Variants in KDM6A observed in about 807,000 individuals in gnomAD.
KDM6A encodes the protein lysine-specific demethylase 6A.
Under a neutral mutation model 117.6 loss-of-function variants are expected in KDM6A, and 11 were observed. The ratio of observed to expected loss-of-function variants is 0.09; its 90% CI spans 0.06 to 0.15. KDM6A has a LOEUF of 0.15. Ranked by LOEUF, KDM6A falls within the 10% of genes least tolerant of loss-of-function variation. The probability of loss-of-function intolerance (pLI) is 1.00; values close to 1 mark genes in which losing one functional copy is unlikely to be tolerated. For synonymous variants in KDM6A, 384 were observed against 396.1 expected (o/e 0.97, Z 0.36); for missense variants, 799 against 1,077.3 (o/e 0.74, Z 3.62).
At chrX:45,004,210 C>CT (rs1323657873) in intron 4 of KDM6A, among the ~76,000 whole-genome samples, 2 of 110,691 alleles carry the variant, frequency 1.8e-5, no homozygotes, top group Non-Finnish European at 3.8e-5. Context: ...CCACCATACT[C>CT]TTTAGGGGGC....
At chrX:45,100,237 G>A (rs1040707003) in intron 27 of KDM6A, among the ~76,000 whole-genome samples, 1 of 111,221 alleles carries the variant, frequency 9.0e-6, no homozygotes, top group Non-Finnish European at 1.9e-5. Context: ...GTTAGTGCAG[G>A]AGATGAGCTC....
At chrX:44,991,181 G>A (rs1194011263) in intron 4 of KDM6A, among the ~76,000 whole-genome samples, 1 of 111,519 alleles carries the variant, frequency 9.0e-6, no homozygotes, top group Non-Finnish European at 1.9e-5. Context: ...TCTTAGTTGT[G>A]CCTTCTGTTT....
At chrX:44,932,348 T>C (rs759439424) in intron 2 of KDM6A, among the ~76,000 whole-genome samples, 1 of 109,300 alleles carries the variant, frequency 9.1e-6, no homozygotes, top group East Asian at 2.9e-4. Context: ...TGACCTCAGG[T>C]GGTCCGCCTG....
At chrX:45,072,760 A>G (rs1375226698) in intron 18 of KDM6A, among the ~76,000 whole-genome samples, 1 of 110,036 alleles carries the variant, frequency 9.1e-6, no homozygotes, top group Non-Finnish European at 1.9e-5. Context: ...ATTGTCAGAA[A>G]GAGTTCCATG....
In KDM6A at chrX:44,929,078, G is replaced by T. The variant is rs189784003; in HGVS notation, c.226-32206G>T. On this transcript the variant is annotated intron_variant, in intron 2 of 29. Coordinates refer to ENST00000611820, the MANE Select transcript of KDM6A (RefSeq NM_001291415.2). Reference sequence around the variant, plus strand: ...CCCGAGTAGCTGAGACTACAGGTGCGCGCCACCACACCCAGCTAATTTTTT... The same window carrying T: ...CCCGAGTAGCTGAGACTACAGGTGCTCGCCACCACACCCAGCTAATTTTTT... 5.8e-3 allele frequency among the ~76,000 whole-genome samples: 641 copies of T among 110,028 alleles called. 5 individuals are homozygous for T. Among genetic ancestry groups the T allele is most frequent in the African/African-American group, 0.02 (605 of 30,218 alleles).
chrX:45,090,458 A>T (rs753891642), intron 26 of KDM6A, among the ~76,000 whole-genome samples: 10 of 111,977 alleles, frequency 8.9e-5, no homozygotes, highest in Non-Finnish European at 1.5e-4. Context: ...GGAAGTAATG[A>T]AATTAATAAG....
intron 2 of KDM6A, among the ~76,000 whole-genome samples, chrX:44,917,023 CACTT>C (rs1377167208): frequency 9.7e-6 from 1 of 102,971 alleles, no homozygotes; most frequent in Non-Finnish European, 1.9e-5. Flanking sequence ...TCTATATACT[CACTT>C]TTTTTTTTTT....
intron 2 of KDM6A, among the ~76,000 whole-genome samples, chrX:44,900,488 T>G (rs1337776708): frequency 8.9e-6 from 1 of 112,418 alleles, no homozygotes; most frequent in Non-Finnish European, 1.9e-5. Context: ...CTTTTAAACT[T>G]GTTCCTGTAC....
chrX:45,085,883 A>G lies in KDM6A; in HGVS notation c.3608A>G (p.Asn1203Ser), dbSNP rs2045619112. The stretch of plus-strand genomic sequence containing the variant: ...ATTTCAGGTCATCAGGAAAATAACA[A>G]CTTCTGTTCAGTTAACATAAATATT... ...SRTPGHQENN[N>S]FCSVNINIGP... is the part of the protein sequence containing the mutation. The change falls in exon 25 of 30, where the codon AAC (asparagine) becomes AGC (serine). Residue 1203 changes from asparagine (N) to serine (S), a missense_variant. Transcript: ENST00000611820. 8.3e-7 allele frequency: 1 copy of G among 1,199,515 alleles called. No homozygotes were observed. Among genetic ancestry groups the G allele is most frequent in the South Asian group, 1.8e-5 (1 of 56,700 alleles).
chrX:44,903,364 C>T (rs773644330), intron 2 of KDM6A, among the ~76,000 whole-genome samples: 2 of 111,823 alleles, frequency 1.8e-5, no homozygotes, highest in South Asian at 7.4e-4. Flanking sequence ...TCACTTCTTT[C>T]GTGTTTTCAA....
At position 45,079,230 on chromosome X, in the gene KDM6A, C is replaced by G. The variant is rs898049097; in HGVS notation, c.3179C>G (p.Ala1060Gly). ...GTGAGGACACAGTTGTTGCAGCCAG[C>G]AGATGAAAACTGGGATCCCACTGGA... The part of the protein sequence containing the change: ...VEVRTQLLQP[A>G]DENWDPTGTK... Residue 1060 changes from alanine (A) to glycine (G), a missense_variant, in exon 21 of 30, where the codon GCA becomes GGA. Coordinates refer to ENST00000611820, the MANE Select transcript of KDM6A (RefSeq NM_001291415.2). 1.7e-6 allele frequency: 2 copies of G among 1,206,966 alleles called. No homozygotes were observed. Among genetic ancestry groups the G allele is most frequent in the Non-Finnish European group, 2.2e-6 (2 of 891,319 alleles).
intron 6 of KDM6A, among the ~76,000 whole-genome samples, chrX:45,031,095 C>G (rs1290731879): frequency 8.9e-6 from 1 of 112,300 alleles, no homozygotes. Context: ...CTTTCCTTTT[C>G]TCACTTAAAT....
At chrX:45,025,740 T>C (rs1280107577) in intron 6 of KDM6A, among the ~76,000 whole-genome samples, 1 of 112,395 alleles carries the variant, frequency 8.9e-6, no homozygotes. Context: ...TCCCTAATGT[T>C]TACATATTTA....
intron 17 of KDM6A, among the ~76,000 whole-genome samples, chrX:45,068,251 C>T (rs2044627747): frequency 9.0e-6 from 1 of 111,044 alleles, no homozygotes; most frequent in African/African-American, 3.3e-5. Flanking sequence ...GAAAAATTGG[C>T]TGTCCTATTT....
intron 2 of KDM6A, among the ~76,000 whole-genome samples, chrX:44,933,543 A>G (rs1031509181): frequency 5.8e-5 from 6 of 103,408 alleles, no homozygotes; most frequent in Admixed American, 2.1e-4. Context: ...AAAGTGCTGG[A>G]TTTACAGGCG....
At chrX:45,047,989 C>T (rs909801904) in intron 8 of KDM6A, among the ~76,000 whole-genome samples, 6 of 108,391 alleles carry the variant, frequency 5.5e-5, no homozygotes, top group African/African-American at 2.0e-4. Flanking sequence ...GCGAGACCCC[C>T]ATCTCTACTA....
intron 2 of KDM6A, among the ~76,000 whole-genome samples, chrX:44,957,147 A>G (rs1477378463): frequency 9.0e-6 from 1 of 110,942 alleles, no homozygotes; most frequent in Non-Finnish European, 1.9e-5. Flanking sequence ...AAATAAATAA[A>G]TAAAAATAAA....
rs78749806 is a variant in KDM6A, at chrX:45,047,674, C to CTTTTTTTTTTTTTTTTTTTTT, written c.655-4026_655-4006dup. Among the ~76,000 whole-genome samples the CTTTTTTTTTTTTTTTTTTTTT allele has an allele frequency of 1.7e-4, 6 of 36,358 alleles. 3 individuals are homozygous for CTTTTTTTTTTTTTTTTTTTTT. The highest frequency in any genetic ancestry group is 2.0e-4 in the Non-Finnish European group (4 of 19,605). The allele number at this position is 36,358 out of a possible 115,157, so 31.6% of individuals were successfully genotyped here. ...TCAAATATCTGCTTGCTTTTTTTTT[C>CTTTTTTTTTTTTTTTTTTTTT]TTTTTTTTTTTTTTTTTTTTTTTTT... On this transcript the variant is annotated intron_variant, in intron 8 of 29. Transcript: ENST00000611820.
At chrX:45,061,523 G>C (rs1367788884) in intron 15 of KDM6A, 104 bp downstream of exon 15, 1 of 365,354 alleles carries the variant, frequency 2.7e-6, no homozygotes, top group African/African-American at 4.0e-5. Context: ...ATAGAGTCTT[G>C]CTCTGTCACC....
Sources: gnomAD v4.1 joint callset for allele counts (sites outside exome capture counted in the v4.1 genomes callset) on GRCh38, gnomAD v4.1.1 for gene constraint, MANE v1.5 for transcripts, NCBI Gene and HGNC (gene_info 2026-07-23, HGNC 2026-07-21) for gene names.